Variants in SLC6A11 observed in about 807,000 individuals in gnomAD.
SLC6A11 encodes sodium- and chloride-dependent GABA transporter 3.
SLC6A11 carries 25 observed loss-of-function variants against 74.8 expected under a neutral mutation model. The observed-to-expected ratio is 0.33, with a 90% confidence interval of 0.24 to 0.47. SLC6A11 has a LOEUF of 0.47. SLC6A11 is among the 20% of genes least tolerant of loss of function. SLC6A11 has a pLI of 1.00. For synonymous variants in SLC6A11, 330 were observed against 330.2 expected (o/e 1.00, Z 0.01); for missense variants, 574 against 837.0 (o/e 0.69, Z 3.88).
rs1221636614 is a variant in SLC6A11 at position 10,935,211 on chromosome 3, C to T, written c.1746+12C>T. On this transcript the variant is annotated intron_variant, in intron 13 of 13. Transcript: ENST00000254488. ...GGACACTGCCCGAGGTGAGACCGCC[C>T]CAGGAGGGCTGGTGCGTTTGGGCAG... 2 of 1,613,410 alleles carry T rather than the reference C, an allele frequency of 1.2e-6. No homozygotes were observed. Among genetic ancestry groups the T allele is most frequent in the East Asian group, 2.2e-5 (1 of 44,876 alleles).
chr3:10,931,773 A>G (rs909880204), intron 10 of SLC6A11, among the ~76,000 whole-genome samples: 4 of 151,868 alleles, frequency 2.6e-5, no homozygotes, highest in African/African-American at 9.7e-5. Context: ...TACCACACCC[A>G]CCTCCCTTTT....
chr3:10,831,622 G>C (rs1449748204), intron 4 of SLC6A11, among the ~76,000 whole-genome samples: 1 of 152,180 alleles, frequency 6.6e-6, no homozygotes, highest in Non-Finnish European at 1.5e-5. Flanking sequence ...TGAGGTTATA[G>C]AGAGAGAGGC....
intron 6 of SLC6A11, among the ~76,000 whole-genome samples, chr3:10,900,581 T>C (rs913135402): frequency 6.6e-6 from 1 of 152,248 alleles, no homozygotes; most frequent in South Asian, 2.1e-4. Flanking sequence ...ATGTCTTTTC[T>C]ATTGCTTGAA....
chr3:10,825,703 G>A lies in SLC6A11; in HGVS notation c.623+2311G>A, dbSNP rs556267955. Among the ~76,000 whole-genome samples the A allele has an allele frequency of 9.9e-5, 15 of 152,182 alleles. 1 individual carries two copies. The South Asian group carries it at 3.1e-3, about 32-fold the overall frequency. Reference sequence around the variant, plus strand: ...CATATTTAGGAATATAATCCATCTGGAATTTTATGTTTTTAATGTTGTATT... The same window carrying A: ...CATATTTAGGAATATAATCCATCTGAAATTTTATGTTTTTAATGTTGTATT... On this transcript the variant is annotated intron_variant, in intron 4 of 13. Coordinates refer to ENST00000254488, the MANE Select transcript of SLC6A11 (RefSeq NM_014229.3).
At chr3:10,878,503 C>T (rs1694938077) in intron 6 of SLC6A11, among the ~76,000 whole-genome samples, 1 of 149,868 alleles carries the variant, frequency 6.7e-6, no homozygotes, top group Admixed American at 6.7e-5. Context: ...TTCCCAGGTT[C>T]AAGCAATTCT....
At chr3:10,819,063 CT>C (rs1694101374) in intron 1 of SLC6A11, among the ~76,000 whole-genome samples, 1 of 152,170 alleles carries the variant, frequency 6.6e-6, no homozygotes, top group Admixed American at 6.5e-5. Context: ...CTCACCTGGT[CT>C]GTTGAGGTCA....
chr3:10,878,225 C>T (rs889167835), intron 6 of SLC6A11, among the ~76,000 whole-genome samples: 10 of 152,132 alleles, frequency 6.6e-5, no homozygotes, highest in Non-Finnish European at 1.3e-4. Context: ...TGGCTGCGTC[C>T]CCTACTACTC....
intron 5 of SLC6A11, among the ~76,000 whole-genome samples, chr3:10,865,404 C>CT (rs1174688367): frequency 6.6e-6 from 1 of 152,206 alleles, no homozygotes; most frequent in African/African-American, 2.4e-5. Context: ...TGGCTCACAC[C>CT]TGTAATCCCA....
intron 4 of SLC6A11, among the ~76,000 whole-genome samples, chr3:10,831,218 C>T (rs1314651863): frequency 6.6e-6 from 1 of 152,054 alleles, no homozygotes; most frequent in Admixed American, 6.6e-5. Context: ...GCAACAGAAG[C>T]CAATTTAGCA....
intron 6 of SLC6A11, among the ~76,000 whole-genome samples, chr3:10,896,797 GCATAGACCCA>G (rs1431211310): frequency 3.3e-5 from 5 of 152,166 alleles, no homozygotes; most frequent in African/African-American, 1.2e-4. Flanking sequence ...TGGTGAGGGG[GCATAGACCCA>G]CTAACATTAA....
At chr3:10,874,614 T>A (rs1259026014) in intron 5 of SLC6A11, among the ~76,000 whole-genome samples, 2 of 152,180 alleles carry the variant, frequency 1.3e-5, no homozygotes, top group East Asian at 3.9e-4. Flanking sequence ...GTCCAGCAGG[T>A]CTCTAGAGCT....
intron 4 of SLC6A11, among the ~76,000 whole-genome samples, chr3:10,837,175 A>T (rs1250704665): frequency 6.6e-6 from 1 of 152,142 alleles, no homozygotes; most frequent in Admixed American, 6.5e-5. Context: ...GAATATAGAT[A>T]ACTGGGGAGA....
chr3:10,833,837 G>A (rs60942293), intron 4 of SLC6A11, among the ~76,000 whole-genome samples: 5,776 of 152,256 alleles, frequency 0.038, 362 homozygotes, highest in African/African-American at 0.13. Flanking sequence ...ACATATTTGT[G>A]TATAAAATTA....
At chr3:10,907,979 T>C (rs933731209) in intron 6 of SLC6A11, among the ~76,000 whole-genome samples, 1 of 152,094 alleles carries the variant, frequency 6.6e-6, no homozygotes, top group South Asian at 2.1e-4. Flanking sequence ...GTAATGACTA[T>C]AAGGAGCCTG....
At chr3:10,862,900 G>A (rs928725809) in intron 5 of SLC6A11, among the ~76,000 whole-genome samples, 1 of 152,210 alleles carries the variant, frequency 6.6e-6, no homozygotes, top group African/African-American at 2.4e-5. Context: ...CCAGCATAGG[G>A]CCTGGCACAC....
intron 8 of SLC6A11, among the ~76,000 whole-genome samples, chr3:10,924,181 T>C (rs937604263): frequency 2.6e-5 from 4 of 152,190 alleles, no homozygotes; most frequent in African/African-American, 9.7e-5. Context: ...ATAAGCTCTG[T>C]GGCGTAATTA....
chr3:10,926,988 G>A lies in SLC6A11; in HGVS notation c.1233+872G>A, dbSNP rs1017161540. Among the ~76,000 whole-genome samples the A allele has an allele frequency of 1.3e-5, 2 of 152,140 alleles. No homozygotes were observed. Among genetic ancestry groups the A allele is most frequent in the African/African-American group, 4.8e-5 (2 of 41,432 alleles). ...CTGTGCTGTGCAGGGGCCTCTGCAGGCAAAGCAGTCAGACCCCCAGGGAGA... is the reference window on the plus strand; with the variant it reads ...CTGTGCTGTGCAGGGGCCTCTGCAGACAAAGCAGTCAGACCCCCAGGGAGA... On this transcript the variant is annotated intron_variant, in intron 9 of 13. Coordinates refer to ENST00000254488, the MANE Select transcript of SLC6A11 (RefSeq NM_014229.3). This position sits in a 1 kb window ranked among gnomAD's most constrained non-coding sequence, Gnocchi z 5.7.
At position 10,914,826 on chromosome 3, in the gene SLC6A11, ACTGT is replaced by A. The variant is rs1237945924; in HGVS notation, c.995+2638_995+2641del. 2.0e-5 allele frequency among the ~76,000 whole-genome samples: 3 copies of A among 152,242 alleles called. No individual in the cohort carries two copies. The East Asian group carries it at 5.8e-4, about 29-fold the overall frequency. On this transcript the variant is annotated intron_variant, in intron 7 of 13. Coordinates refer to ENST00000254488, the MANE Select transcript of SLC6A11 (RefSeq NM_014229.3). ...CCCTTGGGAGTTCTTTCAAATGTAC[ACTGT>A]CTGTGTACAGTATCACCCCATCGGT...
intron 5 of SLC6A11, among the ~76,000 whole-genome samples, chr3:10,866,464 G>A (rs1244215769): frequency 1.3e-5 from 2 of 152,312 alleles, no homozygotes; most frequent in East Asian, 3.9e-4. Flanking sequence ...GCTGTTCCCA[G>A]CTCCAGTCCT....
Sources: gnomAD v4.1 joint callset for allele counts (sites outside exome capture counted in the v4.1 genomes callset) on GRCh38, gnomAD v4.1.1 for gene constraint, Gnocchi (gnomAD v3.1) non-coding constraint, MANE v1.5 for transcripts, NCBI Gene and HGNC (gene_info 2026-07-23, HGNC 2026-07-21) for gene names.